Variants in HS3ST4 observed in about 807,000 individuals in gnomAD.
HS3ST4 encodes heparan sulfate-glucosamine 3-sulfotransferase 4, also known as heparan sulfate glucosamine 3-O-sulfotransferase 4.
A neutral mutation model predicts 29.2 loss-of-function variants in HS3ST4; 17 were observed. The observed-to-expected ratio is 0.58, with a 90% CI of 0.40 to 0.87. The LOEUF is 0.87. Ranked by LOEUF, HS3ST4 falls within the 40% of genes least tolerant of loss-of-function variation. The pLI is 0.00. For synonymous variants in HS3ST4, 314 were observed against 285.7 expected, an observed-to-expected ratio of 1.10 and a Z score of -1.00; for missense variants, 627 against 634.5, an observed-to-expected ratio of 0.99 and a Z score of 0.13.
chr16:25,742,921 C>T (rs1174562905), intron 1 of HS3ST4, among the ~76,000 whole-genome samples: 1 of 152,190 alleles, frequency 6.6e-6, no homozygotes, highest in African/African-American at 2.4e-5. Context: ...GAACTACCTT[C>T]CAATTGTGTT....
intron 1 of HS3ST4, among the ~76,000 whole-genome samples, chr16:25,997,410 G>A (rs906698963): frequency 1.3e-5 from 2 of 152,094 alleles, no homozygotes; most frequent in Non-Finnish European, 1.5e-5. Context: ...CTTTTCGTGG[G>A]CAAATGGCAG....
At chr16:25,893,085 G>A (rs754928186) in intron 1 of HS3ST4, among the ~76,000 whole-genome samples, 7 of 152,106 alleles carry the variant, frequency 4.6e-5, no homozygotes, top group East Asian at 1.9e-4. Flanking sequence ...GCAGCCCACC[G>A]TGTGTGGATG....
chr16:25,756,487 C>G (rs1326820859), intron 1 of HS3ST4, among the ~76,000 whole-genome samples: 1 of 152,118 alleles, frequency 6.6e-6, no homozygotes, highest in Non-Finnish European at 1.5e-5. Flanking sequence ...AGAGCAAGGG[C>G]AAGACTGACA....
At chr16:25,799,927 C>T (rs1188553477) in intron 1 of HS3ST4, among the ~76,000 whole-genome samples, 2 of 152,070 alleles carry the variant, frequency 1.3e-5, no homozygotes, top group Non-Finnish European at 2.9e-5. Context: ...ATGGTCATAG[C>T]ACAGCCTTGA....
chr16:25,946,858 G>A (rs1968630847), intron 1 of HS3ST4, among the ~76,000 whole-genome samples: 2 of 152,120 alleles, frequency 1.3e-5, no homozygotes, highest in African/African-American at 4.8e-5. Flanking sequence ...GAAGGCAGGT[G>A]CAAAAGTCTT....
chr16:25,693,178 T>A, intron 1 of HS3ST4, 27 bp downstream of exon 1: 8 of 1,532,776 alleles, frequency 5.2e-6, no homozygotes, highest in Non-Finnish European at 7.0e-6. Context: ...CGCGGGCTGG[T>A]GGAGACGCGT....
At chr16:25,913,931 CTATG>C (rs1596612153) in intron 1 of HS3ST4, among the ~76,000 whole-genome samples, 1 of 126,248 alleles carries the variant, frequency 7.9e-6, no homozygotes, top group African/African-American at 3.1e-5. Context: ...TAGGGAGAGG[CTATG>C]TGTGTGTGTG....
chr16:25,736,732 C>T (rs1305032424), intron 1 of HS3ST4, among the ~76,000 whole-genome samples: 1 of 152,192 alleles, frequency 6.6e-6, no homozygotes, highest in Non-Finnish European at 1.5e-5. Flanking sequence ...TTCCCAGTGT[C>T]CTCCTCCCCT....
chr16:25,941,307 G>A (rs1315632381), intron 1 of HS3ST4, among the ~76,000 whole-genome samples: 1 of 151,860 alleles, frequency 6.6e-6, no homozygotes. Flanking sequence ...TTACAGGCAT[G>A]CATGACCACA....
intron 1 of HS3ST4, among the ~76,000 whole-genome samples, chr16:25,966,198 A>G (rs1349762314): frequency 6.6e-6 from 1 of 152,236 alleles, no homozygotes; most frequent in Non-Finnish European, 1.5e-5. Context: ...GGCCAAGGTC[A>G]TATGGCTGGA....
intron 1 of HS3ST4, among the ~76,000 whole-genome samples, chr16:25,704,023 C>T (rs776708673): frequency 1.3e-5 from 2 of 152,182 alleles, no homozygotes; most frequent in Admixed American, 1.3e-4. Context: ...TCGATCTTGT[C>T]CATTTTGTTT....
intron 1 of HS3ST4, among the ~76,000 whole-genome samples, chr16:25,771,906 T>G (rs1966842816): frequency 6.6e-6 from 1 of 152,192 alleles, no homozygotes; most frequent in Non-Finnish European, 1.5e-5. Context: ...TATCTTTCTG[T>G]TCCCTCTCTT....
chr16:25,811,049 T>C (rs958508207), intron 1 of HS3ST4, among the ~76,000 whole-genome samples: 7 of 152,212 alleles, frequency 4.6e-5, no homozygotes, highest in African/African-American at 1.7e-4. Flanking sequence ...AAGAAACGGT[T>C]GGTGGTGAGC....
At chr16:25,867,538 A>G (rs951754282) in intron 1 of HS3ST4, among the ~76,000 whole-genome samples, 1 of 152,054 alleles carries the variant, frequency 6.6e-6, no homozygotes, top group African/African-American at 2.4e-5. Flanking sequence ...TTAAAGTTGT[A>G]TATCCTTTAT....
At chr16:25,788,540 CTTTCTT>C (rs1466947138) in intron 1 of HS3ST4, among the ~76,000 whole-genome samples, 4 of 99,070 alleles carry the variant, frequency 4.0e-5, no homozygotes, top group Admixed American at 1.2e-4. Context: ...TTCTTTTCTT[CTTTCTT>C]TTTTTTTTTT....
chr16:25,953,152 A>G (rs1968697642), intron 1 of HS3ST4, among the ~76,000 whole-genome samples: 1 of 152,194 alleles, frequency 6.6e-6, no homozygotes, highest in Non-Finnish European at 1.5e-5. Flanking sequence ...CTTGTCTCCC[A>G]GGATTGGAGA....
chr16:25,978,815 C>T (rs1968970970), intron 1 of HS3ST4, among the ~76,000 whole-genome samples: 1 of 152,032 alleles, frequency 6.6e-6, no homozygotes, highest in Admixed American at 6.6e-5. Context: ...AAGGCTCAGG[C>T]AAAGTGAGGA....
chr16:25,890,729 C>T (rs1164932191), intron 1 of HS3ST4, among the ~76,000 whole-genome samples: 4 of 152,136 alleles, frequency 2.6e-5, no homozygotes, highest in Non-Finnish European at 5.9e-5. Context: ...CTTTTTGAAT[C>T]TCAGGATATT....
At chr16:25,891,261 A>G (rs1463571042) in intron 1 of HS3ST4, among the ~76,000 whole-genome samples, 1 of 152,200 alleles carries the variant, frequency 6.6e-6, no homozygotes, top group Non-Finnish European at 1.5e-5. Context: ...AGGAGATGAT[A>G]TTCCAGTTAC....
Sources: gnomAD v4.1 joint callset for allele counts (sites outside exome capture counted in the v4.1 genomes callset) on GRCh38, gnomAD v4.1.1 for gene constraint, MANE v1.5 for transcripts, NCBI Gene and HGNC (gene_info 2026-07-23, HGNC 2026-07-21) for gene names.